Variants in HID1 observed in about 807,000 individuals in gnomAD.
HID1 encodes the protein protein HID1.
In HID1, 42 loss-of-function variants were observed where a neutral mutation model predicts 89.7. The observed-to-expected ratio is 0.47, with a 90% CI of 0.37 to 0.61. The LOEUF (loss-of-function observed/expected upper bound fraction) is 0.61, where lower values mean the gene tolerates loss of function less well. Ranked by LOEUF, HID1 falls within the 20% of genes least tolerant of loss-of-function variation. The pLI is 0.00. For missense variants in HID1, 854 were observed against 1,039.3 expected, an observed-to-expected ratio of 0.82 and a Z score of 2.45; for synonymous variants, 442 against 433.8, an observed-to-expected ratio of 1.02 and a Z score of -0.24.
intron 14 of HID1, 87 bp downstream of exon 14, chr17:74,954,051 C>T: frequency 7.8e-7 from 1 of 1,281,350 alleles, no homozygotes; most frequent in Non-Finnish European, 1.1e-6. Context: ...ATGCTCTTTG[C>T]CAGAGATGGG....
At position 74,954,179 on chromosome 17, in the gene HID1, G is replaced by A. The variant is rs772922960; in HGVS notation, c.1823C>T (p.Ala608Val). The change falls in exon 14 of 19, where the codon GCA becomes GTA. Residue 608 changes from alanine (A) to valine (V), a missense_variant. Physicochemically the swap from Ala to Val is moderately conservative, Grantham distance 64 (BLOSUM62 0). Coordinates refer to ENST00000425042, the MANE Select transcript of HID1 (RefSeq NM_030630.3). ...ACTGGTCTTGAGGGTGCCTGGCTCT[G>A]CAGGGGCAGCGGGGCGGGAGCCCTC... ...SMEGSRPAAP[A>V]EPGTLKTSLV... 25 of 1,602,982 alleles carry A rather than the reference G, an allele frequency of 1.6e-5. No homozygotes were observed. In the South Asian group the frequency reaches 2.7e-4, roughly 17 times the overall value.
chr17:74,958,944 T>A lies in HID1; in HGVS notation c.1116A>T (p.Leu372=). 6.2e-7 allele frequency: 1 copy of A among 1,603,420 alleles called. No individual in the cohort carries two copies. The change falls in exon 9 of 19, where the codon CTA becomes CTT. Residue 372 remains leucine, a synonymous_variant. Coordinates refer to ENST00000425042, the MANE Select transcript of HID1 (RefSeq NM_030630.3). The surrounding 1 kb of genome is among the most constrained non-coding windows in gnomAD (Gnocchi z 5.2). ...TKKIQFHQEL[L]VLFWKLCDFN... ...AGTCGCAGAGCTTCCAGAAGAGAAC[T>A]AGCAGCTCCTGGTGGAACTGGATCT... is the stretch of plus-strand genomic sequence containing the variant.
At chr17:74,969,954 G>A (rs556502841) in intron 1 of HID1, among the ~76,000 whole-genome samples, 42 of 107,300 alleles carry the variant, frequency 3.9e-4, no homozygotes, top group Non-Finnish European at 5.3e-4. Flanking sequence ...GCAGAGTTTC[G>A]CTCTTGTTGC....
chr17:74,964,759 G>A, intron 1 of HID1, 127 bp from the exon 2 acceptor site: 1 of 953,578 alleles, frequency 1.0e-6, no homozygotes, highest in Non-Finnish European at 1.5e-6. Context: ...GGGTCCCAGA[G>A]CCATCCCACA....
chr17:74,963,170 G>A, intron 3 of HID1, 89 bp from the exon 4 acceptor site: 1 of 939,128 alleles, frequency 1.1e-6, no homozygotes, highest in South Asian at 1.6e-5. Context: ...GACAGGGGCT[G>A]AGCCCAGGCG....
In HID1 at chr17:74,961,873, C is replaced by G; in HGVS notation, c.728G>C (p.Arg243Thr). Residue 243 changes from arginine (R) to threonine (T), a missense_variant and splice_region_variant, in exon 6 of 19, where the codon AGA (arginine) becomes ACA (threonine). Arg to Thr is a moderately conservative substitution (Grantham distance 71, BLOSUM62 -1). Transcript: ENST00000425042. Reference sequence around the variant, plus strand: ...CGCAGAAAGGCCAAGGGCCCTTCACCTGTTCTCCGTGGAACAAAAGAACTG... The same window carrying G: ...CGCAGAAAGGCCAAGGGCCCTTCACGTGTTCTCCGTGGAACAAAAGAACTG... ...WVQFFCSTENRHALPLFTSLL... is the reference protein window; with the variant it reads ...WVQFFCSTENTHALPLFTSLL... The G allele has an allele frequency of 1.3e-6, 2 of 1,556,720 alleles. No individual in the cohort carries two copies. The highest frequency in any genetic ancestry group is 1.7e-6 in the Non-Finnish European group (2 of 1,149,162).
chr17:74,958,288 C>T lies in HID1; in HGVS notation c.1392+39G>A, dbSNP rs1418326691. 13 of 1,610,552 alleles carry T rather than the reference C, an allele frequency of 8.1e-6. No homozygotes were observed. Among genetic ancestry groups the T allele is most frequent in the Non-Finnish European group, 1.1e-5 (13 of 1,178,606 alleles). ...CCAGACTCAGCCAAGAGGACACCAC[C>T]CCTGCACCTCCTGGGCCCGGCCGCA... On this transcript the variant is annotated intron_variant, in intron 11 of 18. Transcript: ENST00000425042. This position sits in a 1 kb window ranked among gnomAD's most constrained non-coding sequence, Gnocchi z 5.2.
intron 1 of HID1, among the ~76,000 whole-genome samples, chr17:74,966,063 G>C (rs531382875): frequency 1.4e-3 from 210 of 152,000 alleles, no homozygotes; most frequent in African/African-American, 4.9e-3. Context: ...GAGGCGGGTG[G>C]ATCACAAGGT....
At chr17:74,963,216 T>C in intron 3 of HID1, 135 bp from the exon 4 acceptor site, 1 of 614,290 alleles carries the variant, frequency 1.6e-6, no homozygotes, top group East Asian at 3.0e-5. Flanking sequence ...GGACAGGAAG[T>C]GGACTCCTGG....
intron 18 of HID1, 102 bp from the exon 19 acceptor site, chr17:74,951,735 C>T (rs2144796417): frequency 7.1e-7 from 1 of 1,399,644 alleles, no homozygotes; most frequent in South Asian, 1.3e-5. Context: ...CCTTTCCATC[C>T]CGATGTCCCA....
At position 74,958,065 on chromosome 17, in the gene HID1, G is replaced by T; in HGVS notation, c.1471+76C>A. On this transcript the variant is annotated intron_variant, in intron 12 of 18. Transcript: ENST00000425042. The surrounding 1 kb of genome is among the most constrained non-coding windows in gnomAD (Gnocchi z 5.2). ...GTGGGCTGGAGGGGCTTGAAACCTG[G>T]AGCAAGTGGCAGGTTGGCCTGTGGC... is the stretch of plus-strand genomic sequence containing the variant. 7.4e-7 allele frequency: 1 copy of T among 1,357,148 alleles called. No individual in the cohort carries two copies. Among genetic ancestry groups the T allele is most frequent in the East Asian group, 2.5e-5 (1 of 40,162 alleles). 84.1% of individuals were successfully genotyped at this position (1,357,148 alleles called of 1,614,324 possible).
rs1415797182 is a variant in HID1 at position 74,958,363 on chromosome 17, T to C, written c.1356A>G (p.Pro452=). The change falls in exon 11 of 19, where the codon CCA becomes CCG. Residue 452 remains proline, a synonymous_variant. Transcript: ENST00000425042. The surrounding 1 kb of genome is among the most constrained non-coding windows in gnomAD (Gnocchi z 5.2). Reference sequence around the variant, plus strand: ...GGTCGGCGTGGGTCCCTGTGAAGACTGGGATGTCCATGGGCACGCGGATTG... The same window carrying C: ...GGTCGGCGTGGGTCCCTGTGAAGACCGGGATGTCCATGGGCACGCGGATTG... The part of the protein sequence containing the change: ...PYSIRVPMDI[P]VFTGTHADLL... The C allele has an allele frequency of 2.5e-6, 4 of 1,613,246 alleles. No homozygotes were observed. Among genetic ancestry groups the C allele is most frequent in the Non-Finnish European group, 3.4e-6 (4 of 1,179,712 alleles).
At chr17:74,970,073 C>T (rs1052073143) in intron 1 of HID1, among the ~76,000 whole-genome samples, 3 of 151,924 alleles carry the variant, frequency 2.0e-5, no homozygotes, top group Non-Finnish European at 2.9e-5. Context: ...TGTTCCACCA[C>T]GCCTGGCTAA....
rs2039434465 is a variant in HID1 at position 74,958,781 on chromosome 17, G to A, written c.1150-18C>T. On this transcript the variant is annotated intron_variant, in intron 9 of 18. Coordinates refer to ENST00000425042, the MANE Select transcript of HID1 (RefSeq NM_030630.3). This position sits in a 1 kb window ranked among gnomAD's most constrained non-coding sequence, Gnocchi z 5.2. ...AGGAATTTCTAGGGGTGCGGGGAGG[G>A]GCCAAGTGGGCTGAGTTCAAGGGAG... is the stretch of plus-strand genomic sequence containing the variant. 1 of 1,611,458 alleles carries A rather than the reference G, an allele frequency of 6.2e-7. No individual in the cohort carries two copies. The highest frequency in any genetic ancestry group is 8.5e-7 in the Non-Finnish European group (1 of 1,178,478).
intron 16 of HID1, among the ~76,000 whole-genome samples, 191 bp downstream of exon 16, chr17:74,952,815 T>C (rs2039325257): frequency 6.6e-6 from 1 of 152,172 alleles, no homozygotes; most frequent in African/African-American, 2.4e-5. Flanking sequence ...CCAGAGAGGC[T>C]GAACACATGG....
At chr17:74,963,586 G>T in intron 3 of HID1, 154 bp downstream of exon 3, 1 of 695,618 alleles carries the variant, frequency 1.4e-6, no homozygotes, top group Non-Finnish European at 2.4e-6. Context: ...CAAGGAGGTG[G>T]CATTGAACAC....
In HID1 at chr17:74,959,211, G is replaced by T. The variant is rs774208376; in HGVS notation, c.1009-160C>A. On this transcript the variant is annotated intron_variant, in intron 8 of 18. Transcript: ENST00000425042. This position sits in a 1 kb window ranked among gnomAD's most constrained non-coding sequence, Gnocchi z 4.6. ...TGCTATCACCCATAGCTGTCCTGGG[G>T]CGATGCCTCAGGAAGCGGAGTCCCT... Among the ~76,000 whole-genome samples, 1 of 151,940 alleles carries T rather than the reference G, an allele frequency of 6.6e-6. No individual in the cohort carries two copies. The highest frequency in any genetic ancestry group is 2.4e-5 in the African/African-American group (1 of 41,334).
At chr17:74,961,752 T>G in intron 6 of HID1, 121 bp downstream of exon 6, 1 of 504,332 alleles carries the variant, frequency 2.0e-6, no homozygotes. Flanking sequence ...TAAGTTAAAG[T>G]TCATCACCAC....
In HID1 at chr17:74,958,908, C is replaced by T. The variant is rs1168357162; in HGVS notation, c.1149+3G>A. The T allele has an allele frequency of 2.5e-6, 4 of 1,587,746 alleles. No homozygotes were observed. The highest frequency in any genetic ancestry group is 1.1e-5 in the South Asian group (1 of 87,136). ...CCTGCAGGGCCCCTCGAGGCTGGCC[C>T]ACCTTGTTGAAGTCGCAGAGCTTCC... On this transcript the variant is annotated splice_donor_region_variant and intron_variant, in intron 9 of 18. Transcript: ENST00000425042. The surrounding 1 kb of genome is among the most constrained non-coding windows in gnomAD (Gnocchi z 5.2).
Sources: allele counts gnomAD v4.1 joint callset (sites outside exome capture counted in the v4.1 genomes callset), GRCh38; gene constraint gnomAD v4.1.1; non-coding constraint Gnocchi (gnomAD v3.1); transcripts MANE v1.5; gene names NCBI Gene and HGNC (gene_info 2026-07-23, HGNC 2026-07-21).